Variants in RIMKLA observed in about 807,000 individuals in gnomAD.
RIMKLA encodes ribosomal modification protein rimK like family member A, also known as N-acetylaspartylglutamate synthase A.
Under a neutral mutation model 32.7 loss-of-function variants are expected in RIMKLA, and 14 were observed. The ratio of observed to expected loss-of-function variants is 0.43; its 90% confidence interval spans 0.28 to 0.67. RIMKLA has a LOEUF of 0.67. Ranked by LOEUF, RIMKLA falls within the 30% of genes least tolerant of loss-of-function variation. The probability of loss-of-function intolerance (pLI) is 0.18; values close to 1 mark genes in which losing one functional copy is unlikely to be tolerated. For synonymous variants in RIMKLA, 176 were observed against 204.1 expected, an observed-to-expected ratio of 0.86 and a Z score of 1.18; for missense variants, 410 against 519.0, an observed-to-expected ratio of 0.79 and a Z score of 2.04.
intron 2 of RIMKLA, 61 bp from the exon 3 acceptor site, chr1:42,404,445 GGGGCT>G: frequency 9.6e-7 from 1 of 1,040,676 alleles, no homozygotes; most frequent in Non-Finnish European, 1.5e-6. Flanking sequence ...ACAGAGGGGC[GGGGCT>G]GGGGTGACCG....
In RIMKLA at chr1:42,416,092, G is replaced by GC. The variant is rs1643245297; in HGVS notation, c.*1118_*1119insC. 1 of 128,996 alleles carries GC rather than the reference G, an allele frequency of 7.8e-6. No individual in the cohort carries two copies. The highest frequency in any genetic ancestry group is 3.3e-5 in the African/African-American group (1 of 30,500). 8.0% of individuals were successfully genotyped at this position (128,996 alleles called of 1,614,324 possible). Reference sequence around the variant, plus strand: ...ATTACCCATTGCACATTTTGCGGGGGGGGGGGCTAATGTAGACATGACACC... The same window carrying GC: ...ATTACCCATTGCACATTTTGCGGGGGCGGGGGGCTAATGTAGACATGACACC... On this transcript the variant is annotated 3_prime_UTR_variant, in exon 5 of 5. Transcript: ENST00000431473.
At chr1:42,390,036 CTTTTTTT>C (rs35754511) in intron 1 of RIMKLA, among the ~76,000 whole-genome samples, 2 of 111,688 alleles carry the variant, frequency 1.8e-5, no homozygotes, top group Non-Finnish European at 3.6e-5. Flanking sequence ...TTTTCTTTTC[CTTTTTTT>C]TTTTTTTTTT....
chr1:42,412,970 C>T (rs974309471), intron 4 of RIMKLA, among the ~76,000 whole-genome samples: 34 of 151,930 alleles, frequency 2.2e-4, no homozygotes, highest in Admixed American at 2.1e-3. Flanking sequence ...CCCGTCTCTA[C>T]TAAAAATACA....
At chr1:42,398,828 A>G (rs990557543) in intron 1 of RIMKLA, among the ~76,000 whole-genome samples, 3 of 152,080 alleles carry the variant, frequency 2.0e-5, no homozygotes, top group East Asian at 1.9e-4. Context: ...TTAGCTGGGC[A>G]TGGTGGTGCA....
chr1:42,386,154 C>A (rs577997161), intron 1 of RIMKLA, among the ~76,000 whole-genome samples: 1 of 151,888 alleles, frequency 6.6e-6, no homozygotes, highest in Non-Finnish European at 1.5e-5. Flanking sequence ...AACTCCTGAC[C>A]TCAGGTGATC....
intron 2 of RIMKLA, among the ~76,000 whole-genome samples, chr1:42,401,779 G>T (rs1308734759): frequency 1.3e-5 from 2 of 152,224 alleles, no homozygotes; most frequent in African/African-American, 4.8e-5. Context: ...ATAGTTAAGG[G>T]ATGATGCAGG....
intron 1 of RIMKLA, among the ~76,000 whole-genome samples, chr1:42,390,077 A>T (rs1160776918): frequency 7.6e-6 from 1 of 131,178 alleles, no homozygotes; most frequent in Non-Finnish European, 1.5e-5. Context: ...ATCGCCAGTC[A>T]TCCAGGCTGG....
At chr1:42,394,348 A>G (rs1447554125) in intron 1 of RIMKLA, among the ~76,000 whole-genome samples, 2 of 152,250 alleles carry the variant, frequency 1.3e-5, no homozygotes, top group Non-Finnish European at 2.9e-5. Flanking sequence ...GTGTGCACAC[A>G]TATGTGAGTG....
At chr1:42,402,034 G>A (rs546864379) in intron 2 of RIMKLA, among the ~76,000 whole-genome samples, 6 of 152,154 alleles carry the variant, frequency 3.9e-5, no homozygotes, top group African/African-American at 7.2e-5. Context: ...GCGGGATGGC[G>A]GGAAGCTGGG....
At chr1:42,391,812 G>A (rs1295982325) in intron 1 of RIMKLA, among the ~76,000 whole-genome samples, 4 of 152,156 alleles carry the variant, frequency 2.6e-5, no homozygotes, top group African/African-American at 9.7e-5. Context: ...GTTGTGAGAT[G>A]GCGAGGGAGA....
intron 3 of RIMKLA, 69 bp downstream of exon 3, chr1:42,404,666 A>T: frequency 1.0e-6 from 1 of 991,196 alleles, no homozygotes; most frequent in Admixed American, 1.8e-5. Flanking sequence ...CCTGGACAAG[A>T]CACTCCTCAA....
At chr1:42,390,503 T>G (rs531878161) in intron 1 of RIMKLA, among the ~76,000 whole-genome samples, 1 of 152,116 alleles carries the variant, frequency 6.6e-6, no homozygotes, top group South Asian at 2.1e-4. Context: ...TTTGGAGGGG[T>G]TGGTCTAAGC....
rs985170038 is a variant in RIMKLA, at chr1:42,422,733, A to G, written c.*7759A>G. Among the ~76,000 whole-genome samples, 1 of 152,188 alleles carries G rather than the reference A, an allele frequency of 6.6e-6. No individual in the cohort carries two copies. Among genetic ancestry groups the G allele is most frequent in the Non-Finnish European group, 1.5e-5 (1 of 68,026 alleles). ...GAAACTTCACCCTATTCACTTGCACACCAGCTGCGTTCTGAAAAACTATAA... is the reference window on the plus strand; with the variant it reads ...GAAACTTCACCCTATTCACTTGCACGCCAGCTGCGTTCTGAAAAACTATAA... On this transcript the variant is annotated 3_prime_UTR_variant, in exon 5 of 5. Transcript: ENST00000431473.
In RIMKLA at chr1:42,421,829, A is replaced by G. The variant is rs1432224946; in HGVS notation, c.*6855A>G. On this transcript the variant is annotated 3_prime_UTR_variant, in exon 5 of 5. Transcript: ENST00000431473. The surrounding 1 kb of genome is among the most constrained non-coding windows in gnomAD (Gnocchi z 4.6). The stretch of plus-strand genomic sequence containing the variant: ...TAAAGTATGTTAAAAACAGTAATAA[A>G]TACTCAAAACTCATCACTTCCTAAT... The G allele has an allele frequency of 2.6e-5, 4 of 152,240 alleles. No individual in the cohort carries two copies. Among genetic ancestry groups the G allele is most frequent in the Admixed American group, 6.5e-5 (1 of 15,286 alleles). 9.4% of individuals were successfully genotyped at this position (152,240 alleles called of 1,614,324 possible).
chr1:42,381,244 T>C (rs1281295252), intron 1 of RIMKLA, 147 bp downstream of exon 1: 4 of 546,528 alleles, frequency 7.3e-6, no homozygotes, highest in Non-Finnish European at 1.1e-5. Context: ...CTTCTTGGGG[T>C]TGGAGAAAGC....
At chr1:42,398,477 TACAG>T (rs576343788) in intron 1 of RIMKLA, among the ~76,000 whole-genome samples, 81 of 152,264 alleles carry the variant, frequency 5.3e-4, no homozygotes, top group African/African-American at 1.8e-3. Context: ...TTTTGGAAAA[TACAG>T]ACAAGTATAA....
chr1:42,411,197 G>C (rs1392638717), intron 4 of RIMKLA, among the ~76,000 whole-genome samples: 2 of 152,058 alleles, frequency 1.3e-5, no homozygotes, highest in African/African-American at 2.4e-5. Context: ...GCCAAGTGCA[G>C]TAGCACATGC....
At chr1:42,384,648 A>G (rs1474302720) in intron 1 of RIMKLA, among the ~76,000 whole-genome samples, 1 of 150,698 alleles carries the variant, frequency 6.6e-6, no homozygotes, top group Non-Finnish European at 1.5e-5. Context: ...ATATATATAT[A>G]TAGTGTTTAT....
At chr1:42,386,229 C>T (rs1457337142) in intron 1 of RIMKLA, among the ~76,000 whole-genome samples, 2 of 151,772 alleles carry the variant, frequency 1.3e-5, no homozygotes, top group East Asian at 1.9e-4. Context: ...GGCCCCTACT[C>T]CTAGATTTCT....
Sources: allele counts gnomAD v4.1 joint callset (sites outside exome capture counted in the v4.1 genomes callset), GRCh38; gene constraint gnomAD v4.1.1; non-coding constraint Gnocchi (gnomAD v3.1); transcripts MANE v1.5; gene names NCBI Gene and HGNC (gene_info 2026-07-23, HGNC 2026-07-21).